The following FBN2 variants were observed in gnomAD, a reference collection of about 807,000 sequenced individuals.
FBN2 encodes the protein fibrillin 2, also known as fibrillin-2.
In FBN2, 105 loss-of-function variants were observed where a neutral mutation model predicts 355.6. The ratio of observed to expected loss-of-function variants is 0.30; its 90% CI spans 0.25 to 0.35. FBN2 has a LOEUF of 0.35. FBN2 is among the 10% of genes least tolerant of loss of function. The pLI, the probability that FBN2 is intolerant of heterozygous loss-of-function variation, is 1.00. For synonymous variants in FBN2, 1,350 were observed against 1,301.2 expected, an observed-to-expected ratio of 1.04 and a Z score of -0.81; for missense variants, 3,280 against 3,758.7, an observed-to-expected ratio of 0.87 and a Z score of 3.33.
chr5:128,312,846 C>T (rs752285812), intron 36 of FBN2, 51 bp from the exon 37 acceptor site: 1 of 1,598,616 alleles, frequency 6.3e-7, no homozygotes, highest in South Asian at 1.1e-5. Context: ...ATAGTAAGGA[C>T]TCCATTTTAG....
intron 7 of FBN2, among the ~76,000 whole-genome samples, chr5:128,409,240 CTTT>C (rs1203088593): frequency 6.6e-6 from 1 of 151,942 alleles, no homozygotes; most frequent in African/African-American, 2.4e-5. Flanking sequence ...TGGCAAATAA[CTTT>C]TTTTTAAACT....
intron 6 of FBN2, among the ~76,000 whole-genome samples, chr5:128,462,579 A>G (rs1754586890): frequency 6.6e-6 from 1 of 152,190 alleles, no homozygotes; most frequent in African/African-American, 2.4e-5. Flanking sequence ...TGGAGCCTGA[A>G]ACTTATCTTT....
rs757696693 is a variant in FBN2, at chr5:128,464,927, A to G, written c.629-6T>C. The G allele has an allele frequency of 6.2e-6, 10 of 1,614,034 alleles. No individual in the cohort carries two copies. Among genetic ancestry groups the G allele is most frequent in the Admixed American group, 1.7e-5 (1 of 60,034 alleles). Reference sequence around the variant, plus strand: ...ACACGGGCCTGTCCTGTAATCTGGAATGTGGGAGAAGAAAGAAAGACAGGT... The same window carrying G: ...ACACGGGCCTGTCCTGTAATCTGGAGTGTGGGAGAAGAAAGAAAGACAGGT... On this transcript the variant is annotated splice_polypyrimidine_tract_variant and splice_region_variant and intron_variant, in intron 5 of 64. Coordinates refer to ENST00000262464, the MANE Select transcript of FBN2 (RefSeq NM_001999.4).
intron 5 of FBN2, among the ~76,000 whole-genome samples, chr5:128,505,401 C>A (rs954844164): frequency 6.6e-6 from 1 of 152,158 alleles, no homozygotes; most frequent in African/African-American, 2.4e-5. Flanking sequence ...GCATTAATCC[C>A]AAAACCTAAA....
Position 128,272,136 on chromosome 5 carries a change from G to T in FBN2, c.7841-18C>A. On this transcript the variant is annotated intron_variant, in intron 61 of 64. Coordinates refer to ENST00000262464, the MANE Select transcript of FBN2 (RefSeq NM_001999.4). Reference sequence around the variant, plus strand: ...ATCAACATCTGCAAAAACAAGCCCGGCAAAACCTTTATGTCACCTTTCTTC... The same window carrying T: ...ATCAACATCTGCAAAAACAAGCCCGTCAAAACCTTTATGTCACCTTTCTTC... 6.2e-7 allele frequency: 1 copy of T among 1,613,654 alleles called. No homozygotes were observed. The highest frequency in any genetic ancestry group is 1.1e-5 in the South Asian group (1 of 91,064).
intron 7 of FBN2, among the ~76,000 whole-genome samples, chr5:128,438,896 A>G (rs1753845343): frequency 6.6e-6 from 1 of 152,058 alleles, no homozygotes; most frequent in African/African-American, 2.4e-5. Context: ...AAGCCAGACA[A>G]TTTCACCCCC....
intron 5 of FBN2, among the ~76,000 whole-genome samples, chr5:128,510,316 G>A (rs1225641380): frequency 6.6e-6 from 1 of 152,222 alleles, no homozygotes; most frequent in Non-Finnish European, 1.5e-5. Flanking sequence ...GTGTTGGGCT[G>A]CATTCAAAGC....
At chr5:128,317,049 G>T (rs1426237277) in intron 36 of FBN2, among the ~76,000 whole-genome samples, 1 of 152,098 alleles carries the variant, frequency 6.6e-6, no homozygotes, top group African/African-American at 2.4e-5. Context: ...CTTGTGCTGT[G>T]TCTCTAACGC....
At chr5:128,308,920 C>T (rs1450795076) in intron 41 of FBN2, among the ~76,000 whole-genome samples, 2 of 152,180 alleles carry the variant, frequency 1.3e-5, no homozygotes, top group African/African-American at 4.8e-5. Context: ...ACAGTAGTTA[C>T]TCAAGAAATA....
intron 7 of FBN2, among the ~76,000 whole-genome samples, chr5:128,413,793 A>G (rs1482219703): frequency 6.6e-6 from 1 of 152,166 alleles, no homozygotes; most frequent in Non-Finnish European, 1.5e-5. Flanking sequence ...TGTTTTAAAA[A>G]CATGTTCTTA....
At chr5:128,484,533 T>C (rs1227806371) in intron 5 of FBN2, among the ~76,000 whole-genome samples, 1 of 152,138 alleles carries the variant, frequency 6.6e-6, no homozygotes, top group East Asian at 1.9e-4. Flanking sequence ...AGAATACAAA[T>C]GGTTGGTAAG....
chr5:128,289,266 C>T lies in FBN2; in HGVS notation c.6512-14G>A, dbSNP rs765303543. Reference sequence around the variant, plus strand: ...ACTCATTGACATCTAAAATATAGAACTGCATGTGAATTTCCTCATATAAAA... The same window carrying T: ...ACTCATTGACATCTAAAATATAGAATTGCATGTGAATTTCCTCATATAAAA... On this transcript the variant is annotated splice_polypyrimidine_tract_variant and intron_variant, in intron 51 of 64. Transcript: ENST00000262464. 3 of 1,613,436 alleles carry T rather than the reference C, an allele frequency of 1.9e-6. No individual in the cohort carries two copies. Among genetic ancestry groups the T allele is most frequent in the Admixed American group, 3.3e-5 (2 of 59,986 alleles).
intron 29 of FBN2, 28 bp from the exon 30 acceptor site, chr5:128,335,323 A>G: frequency 6.2e-7 from 1 of 1,614,040 alleles, no homozygotes; most frequent in Non-Finnish European, 8.5e-7. Flanking sequence ...GCATCAAATG[A>G]AAATAAAAAT....
intron 11 of FBN2, among the ~76,000 whole-genome samples, chr5:128,389,217 G>A (rs1752446953): frequency 6.6e-6 from 1 of 152,214 alleles, no homozygotes; most frequent in Non-Finnish European, 1.5e-5. Context: ...TGCCAGTGGT[G>A]ATGGGGTGAT....
intron 54 of FBN2, among the ~76,000 whole-genome samples, 192 bp from the exon 55 acceptor site, chr5:128,287,041 A>G (rs980579042): frequency 5.3e-5 from 8 of 152,160 alleles, no homozygotes; most frequent in Non-Finnish European, 7.4e-5. Flanking sequence ...AGTGATAAGA[A>G]GTTTAGGGAA....
chr5:128,465,134 G>A (rs1042697923), intron 5 of FBN2, among the ~76,000 whole-genome samples: 1 of 152,200 alleles, frequency 6.6e-6, no homozygotes, highest in Non-Finnish European at 1.5e-5. Context: ...CACTGTAAAT[G>A]GGTGGCTCAG....
intron 7 of FBN2, among the ~76,000 whole-genome samples, chr5:128,442,883 G>A (rs1445921389): frequency 6.6e-6 from 1 of 152,148 alleles, no homozygotes; most frequent in African/African-American, 2.4e-5. Context: ...GAAAAAAAGA[G>A]TCGCAGGAGA....
At chr5:128,349,732 T>C (rs972614324) in intron 22 of FBN2, among the ~76,000 whole-genome samples, 4 of 152,238 alleles carry the variant, frequency 2.6e-5, no homozygotes, top group African/African-American at 9.6e-5. Flanking sequence ...AGGCTAGCGA[T>C]GTCTTCATGA....
chr5:128,515,374 G>A (rs1225082124), intron 5 of FBN2, among the ~76,000 whole-genome samples: 1 of 152,164 alleles, frequency 6.6e-6, no homozygotes, highest in African/African-American at 2.4e-5. Context: ...CACTGAATTA[G>A]ACTATATGGG....
Sources: gnomAD v4.1 joint callset for allele counts (sites outside exome capture counted in the v4.1 genomes callset) on GRCh38, gnomAD v4.1.1 for gene constraint, MANE v1.5 for transcripts, NCBI Gene and HGNC (gene_info 2026-07-23, HGNC 2026-07-21) for gene names.